The following PHF6 variants were observed in gnomAD, a reference collection of about 807,000 sequenced individuals.
The protein encoded by PHF6 is PHD finger protein 6.
A neutral mutation model predicts 34.0 loss-of-function variants in PHF6; 7 were observed. That is an observed-to-expected ratio of 0.21 (90% CI 0.12 to 0.39). The LOEUF is 0.39. PHF6 is among the 10% of genes least tolerant of loss of function. The probability of loss-of-function intolerance (pLI) is 1.00; values close to 1 mark genes in which losing one functional copy is unlikely to be tolerated. For synonymous variants in PHF6, 89 were observed against 88.4 expected (o/e 1.01, Z -0.04); for missense variants, 128 against 262.8 (o/e 0.49, Z 3.55).
intron 5 of PHF6, among the ~76,000 whole-genome samples, chrX:134,397,605 C>T (rs971285082): frequency 2.7e-5 from 3 of 111,826 alleles, no homozygotes; most frequent in African/African-American, 9.8e-5. Context: ...ACTGAGATTA[C>T]GCCATTTGCA....
rs754392211 is a variant in PHF6 at position 134,394,697 on chromosome X, G to A, written c.418+745G>A. Among the ~76,000 whole-genome samples, 8 of 106,356 alleles carry A rather than the reference G, an allele frequency of 7.5e-5. No homozygotes were observed. The South Asian group carries it at 1.7e-3, about 22-fold the overall frequency. 92.4% of individuals were successfully genotyped at this position (106,356 alleles called of 115,157 possible). ...TGGGACTACAGGTGCCCGCCACCAC[G>A]CCTGGCTAATTTTTTGTATTTTTAG... On this transcript the variant is annotated intron_variant, in intron 5 of 10. Transcript: ENST00000370803.
intron 9 of PHF6, among the ~76,000 whole-genome samples, chrX:134,423,045 G>A (rs1291764055): frequency 8.9e-6 from 1 of 111,871 alleles, no homozygotes; most frequent in East Asian, 2.8e-4. Flanking sequence ...TTTTCCTGAA[G>A]TATATTGTTT....
At chrX:134,394,680 C>T (rs971740391) in intron 5 of PHF6, among the ~76,000 whole-genome samples, 10 of 106,972 alleles carry the variant, frequency 9.3e-5, no homozygotes, top group Non-Finnish European at 1.7e-4. Flanking sequence ...GCTGGGACTA[C>T]AGGTGCCCGC....
At chrX:134,377,832 T>C in intron 2 of PHF6, 77 bp downstream of exon 2, 1 of 842,200 alleles carries the variant, frequency 1.2e-6, no homozygotes, top group Non-Finnish European at 1.6e-6. Context: ...TCCTGAATAC[T>C]AAAAAAAAAA....
At chrX:134,389,686 A>G (rs1256992890) in intron 3 of PHF6, among the ~76,000 whole-genome samples, 2 of 110,969 alleles carry the variant, frequency 1.8e-5, no homozygotes, top group African/African-American at 3.3e-5. Flanking sequence ...TTAGTTTTCA[A>G]CCTTGTTTCT....
At chrX:134,424,627 CAAG>C (rs1244832236) in intron 9 of PHF6, among the ~76,000 whole-genome samples, 1 of 111,740 alleles carries the variant, frequency 8.9e-6, no homozygotes, top group Non-Finnish European at 1.9e-5. Context: ...TGTGTAAAAA[CAAG>C]AAGTTGGAAG....
rs12844926 is a variant in PHF6 at position 134,377,536 on chromosome X, T to A, written c.-46-36T>A. Reference sequence around the variant, plus strand: ...GAATATGTATAAACTGATTTTAAAATAAAATTAACATTGTCGCCCTTCTTA... The same window carrying A: ...GAATATGTATAAACTGATTTTAAAAAAAAATTAACATTGTCGCCCTTCTTA... On this transcript the variant is annotated intron_variant, in intron 1 of 10. Coordinates refer to ENST00000370803, the MANE Select transcript of PHF6 (RefSeq NM_001015877.2). 16 of 1,040,282 alleles carry A rather than the reference T, an allele frequency of 1.5e-5. No homozygotes were observed. In the African/African-American group the frequency reaches 2.9e-4, roughly 19 times the overall value. The allele number at this position is 1,040,282 out of a possible 1,213,427, so 85.7% of individuals were successfully genotyped here.
chrX:134,402,268 A>G (rs1226865323), intron 5 of PHF6, among the ~76,000 whole-genome samples: 1 of 112,599 alleles, frequency 8.9e-6, no homozygotes, highest in African/African-American at 3.2e-5. Context: ...TGCTGGGATT[A>G]CAGGCGTGAG....
At chrX:134,411,317 C>CT (rs1440051124) in intron 5 of PHF6, among the ~76,000 whole-genome samples, 1 of 110,952 alleles carries the variant, frequency 9.0e-6, no homozygotes, top group Non-Finnish European at 1.9e-5. Context: ...ATATATGAAT[C>CT]TTTCGTGACT....
At chrX:134,401,990 G>C (rs2077404364) in intron 5 of PHF6, among the ~76,000 whole-genome samples, 1 of 111,230 alleles carries the variant, frequency 9.0e-6, no homozygotes, top group African/African-American at 3.3e-5. Context: ...TTGTTTGTTT[G>C]TTTGTTTGTT....
At chrX:134,417,598 A>G in intron 9 of PHF6, 1 of 208,345 alleles carries the variant, frequency 4.8e-6, no homozygotes, top group Non-Finnish European at 8.8e-6. Flanking sequence ...GGTGGCTCAC[A>G]TCTGTAATCC....
Position 134,378,131 on chromosome X carries a change from A to G in PHF6, c.240+25A>G, listed in dbSNP as rs766134096. The G allele has an allele frequency of 3.9e-6, 4 of 1,031,502 alleles. No homozygotes were observed. The South Asian group carries it at 7.7e-5, about 20-fold the overall frequency. The allele number at this position is 1,031,502 out of a possible 1,213,427, so 85.0% of individuals were successfully genotyped here. Reference sequence around the variant, plus strand: ...GGTAAGTTGGTATTTCTGCCTCTTGAGAATAAAAATTATTTAAACTCATTA... The same window carrying G: ...GGTAAGTTGGTATTTCTGCCTCTTGGGAATAAAAATTATTTAAACTCATTA... On this transcript the variant is annotated intron_variant, in intron 3 of 10. Transcript: ENST00000370803.
At chrX:134,392,526 T>C (rs2124218718) in intron 3 of PHF6, among the ~76,000 whole-genome samples, 1 of 112,198 alleles carries the variant, frequency 8.9e-6, no homozygotes, top group South Asian at 3.7e-4. Flanking sequence ...AAAGGTAAGG[T>C]ATAATAAAAT....
At chrX:134,415,236 G>A (rs2077468398) in intron 8 of PHF6, 116 bp downstream of exon 8, 2 of 1,140,798 alleles carry the variant, frequency 1.8e-6, no homozygotes, top group Non-Finnish European at 2.4e-6. Flanking sequence ...GTATGTTAAA[G>A]CAAAGTATAT....
chrX:134,379,195 G>A (rs1032628962), intron 3 of PHF6, among the ~76,000 whole-genome samples: 1 of 110,579 alleles, frequency 9.0e-6, no homozygotes, highest in Non-Finnish European at 1.9e-5. Context: ...TCTATTAATC[G>A]TTTTACATAA....
intron 5 of PHF6, among the ~76,000 whole-genome samples, chrX:134,395,928 T>C (rs2077375360): frequency 8.9e-6 from 1 of 112,298 alleles, no homozygotes; most frequent in African/African-American, 3.2e-5. Context: ...TTCTCCTCAC[T>C]GAATTCTAGA....
Position 134,427,132 on chromosome X carries a change from A to G in PHF6, c.*1472A>G, listed in dbSNP as rs185875692. ...GTGTATTCACACATTTACTTAAATC[A>G]AGGGACTCAATGCTTGCTTTTATTT... On this transcript the variant is annotated 3_prime_UTR_variant, in exon 11 of 11. Transcript: ENST00000370803. The G allele has an allele frequency of 6.1e-4, 100 of 163,710 alleles. No homozygotes were observed. The highest frequency in any genetic ancestry group is 2.7e-3 in the African/African-American group (90 of 33,348). 13.5% of individuals were successfully genotyped at this position (163,710 alleles called of 1,213,427 possible).
intron 9 of PHF6, chrX:134,417,858 T>A (rs1319462400): frequency 1.8e-5 from 2 of 110,900 alleles, no homozygotes; most frequent in Non-Finnish European, 1.9e-5. Context: ...AAATTCCATC[T>A]CAAACAAACA....
intron 3 of PHF6, among the ~76,000 whole-genome samples, chrX:134,390,832 C>G (rs2077349956): frequency 9.0e-6 from 1 of 110,977 alleles, no homozygotes; most frequent in East Asian, 2.8e-4. Flanking sequence ...TGTATCCTGC[C>G]TCATTTTTTT....
Sources: allele counts gnomAD v4.1 joint callset (sites outside exome capture counted in the v4.1 genomes callset), GRCh38; gene constraint gnomAD v4.1.1; transcripts MANE v1.5; gene names NCBI Gene and HGNC (gene_info 2026-07-23, HGNC 2026-07-21).